The following PCYT1B variants were observed in gnomAD, a reference collection of about 807,000 sequenced individuals.
PCYT1B encodes phosphate cytidylyltransferase 1B, choline.
Under a neutral mutation model 26.4 loss-of-function variants are expected in PCYT1B, and 10 were observed. The observed-to-expected ratio is 0.38, with a 90% CI of 0.23 to 0.64. The LOEUF is 0.64. Ranked by LOEUF, PCYT1B falls within the 30% of genes least tolerant of loss-of-function variation. PCYT1B has a pLI of 0.56. For missense variants in PCYT1B, 161 were observed against 292.7 expected (o/e 0.55, Z 3.28); for synonymous variants, 131 against 108.4 (o/e 1.21, Z -1.29).
At chrX:24,585,123 CAG>C (rs1274340639) in intron 5 of PCYT1B, among the ~76,000 whole-genome samples, 2 of 110,359 alleles carry the variant, frequency 1.8e-5, no homozygotes, top group Non-Finnish European at 3.8e-5. Context: ...GGGAGGAGTG[CAG>C]AGAGGGATTG....
intron 1 of PCYT1B, among the ~76,000 whole-genome samples, chrX:24,640,841 C>G (rs1926442998): frequency 8.9e-6 from 1 of 111,800 alleles, no homozygotes; most frequent in African/African-American, 3.3e-5. Context: ...CATGGCACCT[C>G]AGACATAACT....
chrX:24,663,025 T>G (rs1168668223), intron 1 of PCYT1B, among the ~76,000 whole-genome samples: 1 of 112,159 alleles, frequency 8.9e-6, no homozygotes, highest in South Asian at 3.7e-4. Context: ...TATGCTGAGG[T>G]TGAGAAGCTC....
intron 3 of PCYT1B, among the ~76,000 whole-genome samples, chrX:24,595,106 T>C (rs974025057): frequency 2.7e-5 from 3 of 109,299 alleles, no homozygotes; most frequent in Non-Finnish European, 3.8e-5. Context: ...TTGTGTTCTG[T>C]CTTTTCCCTG....
At chrX:24,655,641 G>A (rs1437812172) in intron 1 of PCYT1B, among the ~76,000 whole-genome samples, 1 of 110,999 alleles carries the variant, frequency 9.0e-6, no homozygotes, top group East Asian at 2.8e-4. Flanking sequence ...AAATTAGCCA[G>A]GCGTGGTGGC....
intron 6 of PCYT1B, 48 bp downstream of exon 6, chrX:24,579,268 G>A (rs756850126): frequency 9.4e-6 from 11 of 1,166,782 alleles, no homozygotes; most frequent in Admixed American, 8.8e-5. Context: ...CACTGGTGGT[G>A]GTGGTGTGGC....
intron 1 of PCYT1B, among the ~76,000 whole-genome samples, chrX:24,630,868 C>T (rs1181569220): frequency 1.8e-5 from 2 of 111,966 alleles, no homozygotes; most frequent in Admixed American, 9.5e-5. Context: ...GTAGTAACAT[C>T]GGTACTGATA....
chrX:24,671,337 G>C (rs376449315), intron 1 of PCYT1B, among the ~76,000 whole-genome samples: 201 of 87,373 alleles, frequency 2.3e-3, no homozygotes, highest in South Asian at 0.014. Context: ...ATGAATGAAT[G>C]AATGAATCAA....
intron 1 of PCYT1B, among the ~76,000 whole-genome samples, chrX:24,662,432 T>C (rs1355539272): frequency 2.7e-5 from 3 of 111,161 alleles, no homozygotes; most frequent in South Asian, 3.8e-4. Flanking sequence ...CATCCTACAA[T>C]GCACAGGACA....
intron 2 of PCYT1B, among the ~76,000 whole-genome samples, chrX:24,616,937 G>A (rs1283670807): frequency 8.9e-6 from 1 of 112,065 alleles, no homozygotes; most frequent in Non-Finnish European, 1.9e-5. Context: ...AGACCAATAG[G>A]TTTGAGACCA....
intron 1 of PCYT1B, among the ~76,000 whole-genome samples, chrX:24,671,714 G>T (rs1789336350): frequency 9.0e-6 from 1 of 111,402 alleles, no homozygotes; most frequent in Non-Finnish European, 1.9e-5. Flanking sequence ...CTGCCTCGTT[G>T]TTGGGAAGCT....
intron 1 of PCYT1B, among the ~76,000 whole-genome samples, chrX:24,636,000 T>C (rs1045738086): frequency 3.6e-5 from 4 of 111,214 alleles, no homozygotes; most frequent in African/African-American, 1.3e-4. Flanking sequence ...TAGTACACAA[T>C]TGGGGGCCAC....
At position 24,589,765 on chromosome X, in the gene PCYT1B, G is replaced by A. The variant is rs762690569; in HGVS notation, c.486+258C>T. Among the ~76,000 whole-genome samples, 5 of 111,424 alleles carry A rather than the reference G, an allele frequency of 4.5e-5. No homozygotes were observed. The East Asian group carries it at 1.1e-3, about 25-fold the overall frequency. On this transcript the variant is annotated intron_variant, in intron 4 of 7. Transcript: ENST00000379144. ...AGTGTGGTTAGATATCTTGTTCAAG[G>A]TCCCACAACTAGGAAGAGATAGAGG...
chrX:24,568,695 C>T (rs190656561), intron 7 of PCYT1B, among the ~76,000 whole-genome samples: 121 of 111,833 alleles, frequency 1.1e-3, no homozygotes, highest in African/African-American at 3.7e-3. Context: ...AGTCACCTAC[C>T]CAGAGAGTGA....
At chrX:24,664,000 A>G (rs1927078941) in intron 1 of PCYT1B, among the ~76,000 whole-genome samples, 2 of 111,159 alleles carry the variant, frequency 1.8e-5, no homozygotes, top group South Asian at 7.7e-4. Context: ...GAAGGAATGT[A>G]TATGGTGAAT....
upstream of PCYT1B, chrX:24,647,444 C>G: frequency 5.7e-6 from 1 of 175,283 alleles, no homozygotes; most frequent in Non-Finnish European, 9.1e-6. Flanking sequence ...CGGCCGGGCC[C>G]CATTGGCTAG....
At chrX:24,632,056 G>C (rs1384165855) in intron 1 of PCYT1B, among the ~76,000 whole-genome samples, 3 of 112,306 alleles carry the variant, frequency 2.7e-5, no homozygotes, top group Non-Finnish European at 5.6e-5. Context: ...ATAGGTCCCA[G>C]TCACCCATTA....
intron 7 of PCYT1B, among the ~76,000 whole-genome samples, chrX:24,572,918 T>TA (rs1555955684): frequency 1.0e-5 from 1 of 96,316 alleles, no homozygotes; most frequent in Non-Finnish European, 2.1e-5. Flanking sequence ...TTTCATCAAA[T>TA]TATATATATA....
At chrX:24,568,145 A>G (rs1923695108) in intron 7 of PCYT1B, among the ~76,000 whole-genome samples, 1 of 111,550 alleles carries the variant, frequency 9.0e-6, no homozygotes, top group African/African-American at 3.3e-5. Context: ...TCAAGGAGAG[A>G]AAAGGGCCCA....
At chrX:24,581,746 T>C (rs1382318343) in intron 5 of PCYT1B, among the ~76,000 whole-genome samples, 1 of 112,644 alleles carries the variant, frequency 8.9e-6, no homozygotes, top group Non-Finnish European at 1.9e-5. Context: ...GAATATTTCT[T>C]GAATGAATGA....
Sources: allele counts gnomAD v4.1 joint callset (sites outside exome capture counted in the v4.1 genomes callset), GRCh38; gene constraint gnomAD v4.1.1; transcripts MANE v1.5; gene names NCBI Gene and HGNC (gene_info 2026-07-23, HGNC 2026-07-21).